Variants in DIS3L2 observed in about 807,000 individuals in gnomAD.
DIS3L2 encodes the protein DIS3-like exonuclease 2.
Under a neutral mutation model 97.5 loss-of-function variants are expected in DIS3L2, and 34 were observed. The observed-to-expected ratio is 0.35, with a 90% CI of 0.27 to 0.46. The LOEUF (loss-of-function observed/expected upper bound fraction) is 0.46. Among genes scored for constraint, DIS3L2 ranks in the 20% least tolerant of loss-of-function variants. The pLI is 1.00. For synonymous variants in DIS3L2, 435 were observed against 445.2 expected, an observed-to-expected ratio of 0.98 and a Z score of 0.29; for missense variants, 1,038 against 1,146.0, an observed-to-expected ratio of 0.91 and a Z score of 1.36.
intron 11 of DIS3L2, among the ~76,000 whole-genome samples, 157 bp downstream of exon 11, chr2:232,238,802 A>G (rs942357931): frequency 1.3e-5 from 2 of 152,216 alleles, no homozygotes; most frequent in Admixed American, 6.5e-5. Flanking sequence ...TGGCCCTGCT[A>G]TATAAGTAAC....
At chr2:232,015,992 C>T (rs112417229) in intron 3 of DIS3L2, 1 of 196,640 alleles carries the variant, frequency 5.1e-6, no homozygotes, top group Non-Finnish European at 1.1e-5. Context: ...TGGATTGGTG[C>T]AGTTTGAGTA....
chr2:232,015,268 T>C (rs886319320), intron 2 of DIS3L2, among the ~76,000 whole-genome samples: 8 of 152,236 alleles, frequency 5.3e-5, no homozygotes, highest in African/African-American at 1.7e-4. Flanking sequence ...AATACTGAAC[T>C]CATTATTCAG....
At position 232,330,678 on chromosome 2, in the gene DIS3L2, A is replaced by AT. The variant is rs1695708911; in HGVS notation, c.1924-9dup. 6.2e-7 allele frequency: 1 copy of AT among 1,613,806 alleles called. No homozygotes were observed. Among genetic ancestry groups the AT allele is most frequent in the African/African-American group, 1.3e-5 (1 of 74,922 alleles). On this transcript the variant is annotated splice_polypyrimidine_tract_variant and intron_variant, in intron 15 of 20. Coordinates refer to ENST00000325385, the MANE Select transcript of DIS3L2 (RefSeq NM_152383.5). ...ACCACACGTCACATAGGTTTCTGGG[A>AT]TTTGCTTCTAGAAAAGCCTGACCCA...
chr2:232,334,711 C>G lies in DIS3L2; in HGVS notation c.2370C>G (p.Gly790=). 6.2e-7 allele frequency: 1 copy of G among 1,608,232 alleles called. No homozygotes were observed. Among genetic ancestry groups the G allele is most frequent in the Non-Finnish European group, 8.5e-7 (1 of 1,177,690 alleles). ...TCGACGTGCTGGTGCTGCGCTACGGCGTGCAGAAGCGCATCTACTGCAACG... is the reference window on the plus strand; with the variant it reads ...TCGACGTGCTGGTGCTGCGCTACGGGGTGCAGAAGCGCATCTACTGCAACG... ...QAFDVLVLRY[G]VQKRIYCNAL... Residue 790 remains glycine, a synonymous_variant, in exon 19 of 21, where the codon GGC becomes GGG. Transcript: ENST00000325385.
chr2:232,343,089 C>A (rs1000801235), intron 13 of DIS3L2: 3 of 446,656 alleles, frequency 6.7e-6, no homozygotes, highest in Non-Finnish European at 1.2e-5. Context: ...CCATGTTCCC[C>A]GGCACTGCCG....
intron 7 of DIS3L2, among the ~76,000 whole-genome samples, chr2:232,132,538 G>A (rs1197717498): frequency 6.6e-6 from 1 of 152,140 alleles, no homozygotes; most frequent in Admixed American, 6.5e-5. Flanking sequence ...TAACAGCAGG[G>A]ACCTCACAAC....
chr2:232,273,771 G>T (rs1185144841), intron 13 of DIS3L2, among the ~76,000 whole-genome samples: 1 of 152,106 alleles, frequency 6.6e-6, no homozygotes, highest in Non-Finnish European at 1.5e-5. Context: ...ACCCCAGTGT[G>T]CCATGCTGGG....
chr2:232,219,349 T>C (rs558977862), intron 10 of DIS3L2, among the ~76,000 whole-genome samples: 1 of 152,336 alleles, frequency 6.6e-6, no homozygotes, highest in African/African-American at 2.4e-5. Context: ...TTAAAATTGT[T>C]TGGTCTAGTC....
intron 13 of DIS3L2, among the ~76,000 whole-genome samples, chr2:232,273,636 C>T (rs772619637): frequency 2.0e-5 from 3 of 152,138 alleles, no homozygotes; most frequent in South Asian, 2.1e-4. Flanking sequence ...CAGGAAACTT[C>T]GGCACCCCCA....
At position 232,105,060 on chromosome 2, in the gene DIS3L2, C is replaced by T. The variant is rs111356026; in HGVS notation, c.601+17339C>T. 1.3e-4 allele frequency among the ~76,000 whole-genome samples: 20 copies of T among 152,248 alleles called. 2 individuals carry two copies. Among genetic ancestry groups the T allele is most frequent in the African/African-American group, 4.8e-4 (20 of 41,552 alleles). ...CTCAAACTCTTGAGATCAAGTGGTC[C>T]GCCTGCCCTGGCCCCCCAAAGTGCT... On this transcript the variant is annotated intron_variant, in intron 6 of 20. Coordinates refer to ENST00000325385, the MANE Select transcript of DIS3L2 (RefSeq NM_152383.5).
At chr2:232,146,513 C>T (rs1275932787) in intron 8 of DIS3L2, among the ~76,000 whole-genome samples, 1 of 152,102 alleles carries the variant, frequency 6.6e-6, no homozygotes, top group Non-Finnish European at 1.5e-5. Context: ...ATCAGGTTGC[C>T]TTTTGCTGTC....
At chr2:232,014,690 C>A (rs753519732) in intron 1 of DIS3L2, 145 bp from the exon 2 acceptor site, 9 of 432,354 alleles carry the variant, frequency 2.1e-5, no homozygotes, top group Admixed American at 8.3e-5. Context: ...AGATGGTGTG[C>A]TTGACTAACT....
Position 232,270,511 on chromosome 2 carries a change from T to C in DIS3L2, c.1659+7071T>C, listed in dbSNP as rs989851464. On this transcript the variant is annotated intron_variant, in intron 13 of 20. Transcript: ENST00000325385. Reference sequence around the variant, plus strand: ...TACATAATATTCTGTCATATGAATATACTCTTAAACATTCAGCCACTCCCC... The same window carrying C: ...TACATAATATTCTGTCATATGAATACACTCTTAAACATTCAGCCACTCCCC... Among the ~76,000 whole-genome samples the C allele has an allele frequency of 1.5e-3, 226 of 152,352 alleles. 1 individual carries two copies. The highest frequency in any genetic ancestry group is 5.4e-3 in the African/African-American group (224 of 41,590).
intron 1 of DIS3L2, among the ~76,000 whole-genome samples, chr2:232,004,430 G>A (rs1693994669): frequency 6.6e-6 from 1 of 151,878 alleles, no homozygotes; most frequent in Non-Finnish European, 1.5e-5. Context: ...TTATGTTTTT[G>A]TTCAGTCTTC....
At chr2:232,002,985 C>T (rs1693951695) in intron 1 of DIS3L2, among the ~76,000 whole-genome samples, 1 of 152,198 alleles carries the variant, frequency 6.6e-6, no homozygotes, top group Non-Finnish European at 1.5e-5. Context: ...GTGGCCTCAA[C>T]TCAATCAAGT....
intron 9 of DIS3L2, among the ~76,000 whole-genome samples, chr2:232,165,961 A>G (rs1050593692): frequency 2.6e-5 from 4 of 152,030 alleles, no homozygotes; most frequent in Admixed American, 1.3e-4. Flanking sequence ...TATGGGGCCC[A>G]ATATTGCAGT....
intron 13 of DIS3L2, among the ~76,000 whole-genome samples, chr2:232,297,319 C>G (rs1694746942): frequency 6.6e-6 from 1 of 152,206 alleles, no homozygotes; most frequent in Non-Finnish European, 1.5e-5. Flanking sequence ...GCTCATCTCC[C>G]TTGCATGCCT....
In DIS3L2 at chr2:232,274,397, A is replaced by G. The variant is rs561692654; in HGVS notation, c.1659+10957A>G. ...TCCACGTCACTCATATGTGAGCCAA[A>G]CAGCTACATCAGAGACGTGGAATTC... is the stretch of plus-strand genomic sequence containing the variant. On this transcript the variant is annotated intron_variant, in intron 13 of 20. Coordinates refer to ENST00000325385, the MANE Select transcript of DIS3L2 (RefSeq NM_152383.5). 9.9e-4 allele frequency among the ~76,000 whole-genome samples: 151 copies of G among 152,320 alleles called. 1 individual carries two copies. Among genetic ancestry groups the G allele is most frequent in the African/African-American group, 3.4e-3 (142 of 41,570 alleles).
intron 9 of DIS3L2, among the ~76,000 whole-genome samples, chr2:232,172,294 C>T (rs192231051): frequency 6.6e-6 from 1 of 152,220 alleles, no homozygotes; most frequent in East Asian, 1.9e-4. Context: ...GCAGTCACTC[C>T]TCATTCCCTC....
Sources: allele counts gnomAD v4.1 joint callset (sites outside exome capture counted in the v4.1 genomes callset), GRCh38; gene constraint gnomAD v4.1.1; transcripts MANE v1.5; gene names NCBI Gene and HGNC (gene_info 2026-07-23, HGNC 2026-07-21).